Variants in ATAD5 observed in about 807,000 individuals in gnomAD.
The protein encoded by ATAD5 is ATPase family AAA domain-containing protein 5.
A neutral mutation model predicts 176.9 loss-of-function variants in ATAD5; 58 were observed. The observed-to-expected ratio is 0.33, with a 90% CI of 0.27 to 0.41. The LOEUF (loss-of-function observed/expected upper bound fraction) is 0.41. Among genes scored for constraint, ATAD5 ranks in the 10% least tolerant of loss-of-function variants. The pLI is 1.00. For missense variants in ATAD5, 1,789 were observed against 2,094.1 expected, an observed-to-expected ratio of 0.85 and a Z score of 2.84; for synonymous variants, 640 against 712.6, an observed-to-expected ratio of 0.90 and a Z score of 1.62.
chr17:30,852,966 G>C (rs1290038793), intron 6 of ATAD5, among the ~76,000 whole-genome samples: 1 of 150,290 alleles, frequency 6.7e-6, no homozygotes, highest in Non-Finnish European at 1.5e-5. Flanking sequence ...TCGACTCACT[G>C]CAACTTCCGC....
Position 30,893,610 on chromosome 17 carries a change from C to T in ATAD5, c.4757C>T (p.Pro1586Leu). Residue 1586 changes from proline to leucine, a missense_variant, in exon 21 of 23, where the codon CCT (proline) becomes CTT (leucine). Physicochemically the swap from Pro to Leu is moderately conservative, Grantham distance 98 (BLOSUM62 -3). Coordinates refer to ENST00000321990, the MANE Select transcript of ATAD5 (RefSeq NM_024857.5). ...CTATTTGACACTGACTTGGACTTTC[C>T]TGATCAATCTATTAGCCTGTCCTCT... Reference protein sequence around the residue: ...SDLFDTDLDFPDQSISLSSVS... With the variant: ...SDLFDTDLDFLDQSISLSSVS... 1 of 1,613,884 alleles carries T rather than the reference C, an allele frequency of 6.2e-7. No homozygotes were observed. Among genetic ancestry groups the T allele is most frequent in the Non-Finnish European group, 8.5e-7 (1 of 1,179,922 alleles).
chr17:30,847,066 A>G (rs908894278), intron 6 of ATAD5, among the ~76,000 whole-genome samples: 2 of 152,086 alleles, frequency 1.3e-5, no homozygotes, highest in African/African-American at 2.4e-5. Context: ...TACCACCACA[A>G]TAAAAATATA....
chr17:30,881,596 C>T (rs1909014435), intron 18 of ATAD5, among the ~76,000 whole-genome samples: 1 of 152,142 alleles, frequency 6.6e-6, no homozygotes, highest in Non-Finnish European at 1.5e-5. Flanking sequence ...AGCCACCGCG[C>T]CCGACCCTGT....
intron 11 of ATAD5, 40 bp from the exon 12 acceptor site, chr17:30,868,293 A>C: frequency 6.7e-7 from 1 of 1,490,096 alleles, no homozygotes; most frequent in Non-Finnish European, 9.1e-7. Context: ...AGGCATAGCT[A>C]TATTCTGTGA....
chr17:30,851,377 TC>T (rs1425193016), intron 6 of ATAD5, among the ~76,000 whole-genome samples: 1 of 150,516 alleles, frequency 6.6e-6, no homozygotes, highest in East Asian at 2.0e-4. Context: ...GCGCCTGTAG[TC>T]CCAGCTACTT....
At chr17:30,858,492 TC>T (rs1158430416) in intron 9 of ATAD5, among the ~76,000 whole-genome samples, 169 bp downstream of exon 9, 2 of 152,176 alleles carry the variant, frequency 1.3e-5, no homozygotes, top group East Asian at 3.9e-4. Flanking sequence ...TTCAAGTGAT[TC>T]TCCTGCCTCA....
intron 3 of ATAD5, among the ~76,000 whole-genome samples, chr17:30,838,991 T>C (rs2142311498): frequency 6.6e-6 from 1 of 152,282 alleles, no homozygotes; most frequent in East Asian, 1.9e-4. Context: ...CTTTTTTCTT[T>C]TCGTTTGTTA....
At chr17:30,850,865 A>G (rs1389145470) in intron 6 of ATAD5, among the ~76,000 whole-genome samples, 1 of 22,156 alleles carries the variant, frequency 4.5e-5, no homozygotes, top group Non-Finnish European at 8.2e-5. Context: ...ATATATATAT[A>G]TATATTTTTT....
Position 30,876,430 on chromosome 17 carries a change from T to C in ATAD5, c.3664T>C (p.Ser1222Pro). 6.2e-7 allele frequency: 1 copy of C among 1,607,468 alleles called. No homozygotes were observed. The highest frequency in any genetic ancestry group is 8.5e-7 in the Non-Finnish European group (1 of 1,177,128). ...ATCACCAAGAAAAGTTCCTCCACCA[T>C]CACCAAAAAGTAGTGGACCAAAGCG... ...VTSPRKVPPP[S>P]PKSSGPKRAL... Residue 1222 changes from serine to proline, a missense_variant, in exon 15 of 23, where the codon TCA (serine) becomes CCA (proline). Ser to Pro is a moderately conservative substitution (Grantham distance 74). Coordinates refer to ENST00000321990, the MANE Select transcript of ATAD5 (RefSeq NM_024857.5).
In ATAD5 at chr17:30,894,164, CCTTTA is replaced by C. The variant is rs1257118368; in HGVS notation, c.5297+19_5297+23del. The stretch of plus-strand genomic sequence containing the variant: ...AGCTAATTTAGAGTAAGTCTTACTT[CCTTTA>C]CTTTTTATTTTTTGGTAATAAATCG... On this transcript the variant is annotated intron_variant, in intron 21 of 22. Transcript: ENST00000321990. 1.3e-6 allele frequency: 2 copies of C among 1,511,182 alleles called. No individual in the cohort carries two copies. Among genetic ancestry groups the C allele is most frequent in the Non-Finnish European group, 1.8e-6 (2 of 1,131,374 alleles). 93.6% of individuals were successfully genotyped at this position (1,511,182 alleles called of 1,614,324 possible).
chr17:30,846,116 T>C (rs12952292), intron 6 of ATAD5, among the ~76,000 whole-genome samples: 20 of 152,222 alleles, frequency 1.3e-4, no homozygotes, highest in Non-Finnish European at 2.5e-4. Flanking sequence ...AAAGGTTTTG[T>C]GTGCTCTTTC....
chr17:30,845,117 A>G (rs1322406260), intron 6 of ATAD5, among the ~76,000 whole-genome samples: 1 of 152,192 alleles, frequency 6.6e-6, no homozygotes, highest in Non-Finnish European at 1.5e-5. Flanking sequence ...TCGCTAGACA[A>G]AACAGAAAAA....
At chr17:30,863,042 A>G (rs1399383670) in intron 10 of ATAD5, 1 of 152,092 alleles carries the variant, frequency 6.6e-6, no homozygotes, top group Non-Finnish European at 1.5e-5. Flanking sequence ...AAAAAAAGAA[A>G]AAAAAATTGG....
At chr17:30,853,858 G>A (rs546702709) in intron 6 of ATAD5, among the ~76,000 whole-genome samples, 2 of 151,614 alleles carry the variant, frequency 1.3e-5, no homozygotes, top group Non-Finnish European at 1.5e-5. Context: ...CTGTTACATT[G>A]GGAACAATAT....
intron 17 of ATAD5, 137 bp from the exon 18 acceptor site, chr17:30,879,284 CTA>C (rs1242188131): frequency 5.6e-6 from 5 of 887,094 alleles, no homozygotes; most frequent in African/African-American, 1.8e-5. Context: ...CTGCAGTGAG[CTA>C]TGACTGCACC....
intron 6 of ATAD5, among the ~76,000 whole-genome samples, chr17:30,847,513 G>A (rs1906589379): frequency 6.6e-6 from 1 of 151,448 alleles, no homozygotes; most frequent in African/African-American, 2.4e-5. Flanking sequence ...TGTATTTTTA[G>A]TAGAAACGGG....
At position 30,895,461 on chromosome 17, in the gene ATAD5, G is replaced by C. The variant is rs1269475475; in HGVS notation, c.*548G>C. The C allele has an allele frequency of 6.7e-6, 1 of 149,294 alleles. No individual in the cohort carries two copies. Among genetic ancestry groups the C allele is most frequent in the African/African-American group, 2.5e-5 (1 of 40,336 alleles). 9.2% of individuals were successfully genotyped at this position (149,294 alleles called of 1,614,324 possible). ...GCTCTGTCACCCAGGCTGGAGTGCA[G>C]TGGCCTGGTATCGGCTCAGTGCAAC... is the stretch of plus-strand genomic sequence containing the variant. On this transcript the variant is annotated 3_prime_UTR_variant, in exon 23 of 23. Transcript: ENST00000321990.
intron 15 of ATAD5, 49 bp downstream of exon 15, chr17:30,876,599 T>C (rs1164760646): frequency 3.3e-6 from 4 of 1,195,328 alleles, no homozygotes; most frequent in Non-Finnish European, 4.6e-6. Context: ...ATAATGACCC[T>C]TATACCTAAA....
At chr17:30,844,286 CA>C (rs1906332353) in intron 5 of ATAD5, among the ~76,000 whole-genome samples, 1 of 152,024 alleles carries the variant, frequency 6.6e-6, no homozygotes, top group Admixed American at 6.6e-5. Context: ...CACCCACCAC[CA>C]TGCCCGGCTA....
Sources: gnomAD v4.1 joint callset for allele counts (sites outside exome capture counted in the v4.1 genomes callset) on GRCh38, gnomAD v4.1.1 for gene constraint, MANE v1.5 for transcripts, NCBI Gene and HGNC (gene_info 2026-07-23, HGNC 2026-07-21) for gene names.